PRKDC: variants seen among roughly 807,000 people sequenced by gnomAD.
PRKDC encodes DNA-dependent protein kinase catalytic subunit.
A neutral mutation model predicts 486.9 loss-of-function variants in PRKDC; 82 were observed. That is an observed-to-expected ratio of 0.17 (90% confidence interval 0.14 to 0.20). The LOEUF is 0.20. Among genes scored for constraint, PRKDC ranks in the 10% least tolerant of loss-of-function variants. PRKDC has a pLI of 1.00. For synonymous variants in PRKDC, 1,895 were observed against 1,837.0 expected, an observed-to-expected ratio of 1.03 and a Z score of -0.81; for missense variants, 4,504 against 5,038.2, an observed-to-expected ratio of 0.89 and a Z score of 3.21.
intron 68 of PRKDC, among the ~76,000 whole-genome samples, chr8:47,807,818 C>T (rs907152671): frequency 2.7e-5 from 4 of 148,292 alleles, no homozygotes; most frequent in East Asian, 4.0e-4. Flanking sequence ...TGGGTTCAAG[C>T]GATTCTCCTG....
intron 7 of PRKDC, among the ~76,000 whole-genome samples, chr8:47,945,743 A>T (rs1160091256): frequency 6.6e-6 from 1 of 151,778 alleles, no homozygotes; most frequent in African/African-American, 2.4e-5. Context: ...TTTTTTTGAC[A>T]CCGAGTTTCA....
At chr8:47,787,541 G>T (rs986327894) in intron 76 of PRKDC, among the ~76,000 whole-genome samples, 1 of 152,204 alleles carries the variant, frequency 6.6e-6, no homozygotes, top group African/African-American at 2.4e-5. Flanking sequence ...AGGTGGAAAA[G>T]TTCTGGATAG....
Position 47,829,564 on chromosome 8 carries a change from CTTA to C in PRKDC, c.8397+1038_8397+1040del, listed in dbSNP as rs1425966640. Reference sequence around the variant, plus strand: ...TAAAACATACAAATTTGATTTATTCCTTATTGTTTATTTTAAGTAATATATTTA... The same window carrying C: ...TAAAACATACAAATTTGATTTATTCCTTGTTTATTTTAAGTAATATATTTA... On this transcript the variant is annotated intron_variant, in intron 61 of 85. Coordinates refer to ENST00000314191, the MANE Select transcript of PRKDC (RefSeq NM_006904.7). Among the ~76,000 whole-genome samples the C allele has an allele frequency of 4.6e-5, 7 of 152,106 alleles. No individual in the cohort carries two copies. In the South Asian group the frequency reaches 1.2e-3, roughly 27 times the overall value.
chr8:47,778,587 C>A lies in PRKDC; in HGVS notation c.11725G>T (p.Ala3909Ser). ...ALRSHFASSH[A>S]LICISHWILG... Reference sequence around the variant, plus strand: ...ATCCAGTGGCTGATGCATATCAGAGCGTGAGAGCTGGCGAAGTGGGAGCGG... The same window carrying A: ...ATCCAGTGGCTGATGCATATCAGAGAGTGAGAGCTGGCGAAGTGGGAGCGG... The change falls in exon 83 of 86, where the codon GCT (alanine) becomes TCT (serine). Residue 3909 changes from alanine (A) to serine (S), a missense_variant. Ala to Ser is a moderately conservative substitution (Grantham distance 99). Coordinates refer to ENST00000314191, the MANE Select transcript of PRKDC (RefSeq NM_006904.7). 4 of 1,613,702 alleles carry A rather than the reference C, an allele frequency of 2.5e-6. No homozygotes were observed. Among genetic ancestry groups the A allele is most frequent in the Non-Finnish European group, 3.4e-6 (4 of 1,179,778 alleles).
intron 65 of PRKDC, 118 bp from the exon 66 acceptor site, chr8:47,821,061 G>T: frequency 1.7e-6 from 1 of 583,158 alleles, no homozygotes; most frequent in Non-Finnish European, 2.7e-6. Context: ...AAGTCAAAGC[G>T]ATGATGTTTG....
At chr8:47,863,182 T>C (rs2088717184) in intron 42 of PRKDC, among the ~76,000 whole-genome samples, 1 of 152,220 alleles carries the variant, frequency 6.6e-6, no homozygotes, top group Non-Finnish European at 1.5e-5. Flanking sequence ...AAAAGTTTTA[T>C]TATTTGTAAA....
chr8:47,922,158 G>A lies in PRKDC; in HGVS notation c.2420-3775C>T, dbSNP rs964158471. On this transcript the variant is annotated intron_variant, in intron 21 of 85. Transcript: ENST00000314191. ...TTTTTCTTTTTTCTTTCTTCAGAAG[G>A]GTCTCACTCTGTCACCCAGGCTATG... 8.8e-5 allele frequency among the ~76,000 whole-genome samples: 13 copies of A among 147,992 alleles called. 1 individual carries two copies. Among genetic ancestry groups the A allele is most frequent in the Admixed American group, 8.1e-4 (12 of 14,896 alleles).
chr8:47,905,594 C>A (rs2089765974), intron 25 of PRKDC, among the ~76,000 whole-genome samples: 1 of 152,194 alleles, frequency 6.6e-6, no homozygotes, highest in South Asian at 2.1e-4. Flanking sequence ...CTTGTGGTGA[C>A]AAAATGAAAC....
intron 44 of PRKDC, 67 bp from the exon 45 acceptor site, chr8:47,861,038 G>T: frequency 1.8e-6 from 2 of 1,091,852 alleles, no homozygotes; most frequent in Non-Finnish European, 2.5e-6. Flanking sequence ...TTCTGTTTTA[G>T]TAGCAATCTG....
intron 23 of PRKDC, 91 bp downstream of exon 23, chr8:47,915,237 A>G: frequency 1.5e-6 from 1 of 685,376 alleles, no homozygotes. Flanking sequence ...CACATATAGG[A>G]GCAAATATTC....
chr8:47,861,706 C>T (rs550420697), intron 44 of PRKDC, among the ~76,000 whole-genome samples: 3 of 152,230 alleles, frequency 2.0e-5, no homozygotes, highest in Non-Finnish European at 4.4e-5. Context: ...CCAGTTAACC[C>T]ATGACTTTTC....
chr8:47,931,091 T>G (rs767456024), intron 16 of PRKDC, among the ~76,000 whole-genome samples: 22 of 152,240 alleles, frequency 1.4e-4, no homozygotes, highest in Non-Finnish European at 3.1e-4. Context: ...AGAATTTTAA[T>G]AGGTGACCTA....
At chr8:47,819,131 T>C (rs1457573455) in intron 67 of PRKDC, among the ~76,000 whole-genome samples, 1 of 152,210 alleles carries the variant, frequency 6.6e-6, no homozygotes, top group Non-Finnish European at 1.5e-5. Context: ...TGTGGGCAGG[T>C]ATCCTCTGGA....
At chr8:47,897,524 A>G (rs1192639068) in intron 29 of PRKDC, among the ~76,000 whole-genome samples, 2 of 152,368 alleles carry the variant, frequency 1.3e-5, no homozygotes, top group East Asian at 3.9e-4. Flanking sequence ...GGAAAAATTA[A>G]AAAGTTCTCC....
In PRKDC at chr8:47,939,578, A is replaced by T; in HGVS notation, c.1086T>A (p.Ala362=). Residue 362 remains alanine (A), a synonymous_variant, in exon 11 of 86, where the codon GCT becomes GCA. Coordinates refer to ENST00000314191, the MANE Select transcript of PRKDC (RefSeq NM_006904.7). ...VDSNNKELSI[A]IRGYGLFAGP... ...CTGCAAAAAGTCCATATCCACGGAT[A>T]GCAATAGATAACTCCTTGTTGTTCG... The T allele has an allele frequency of 6.2e-7, 1 of 1,613,806 alleles. No homozygotes were observed. Among genetic ancestry groups the T allele is most frequent in the Non-Finnish European group, 8.5e-7 (1 of 1,179,716 alleles).
At chr8:47,952,229 C>T (rs148961548) in intron 7 of PRKDC, among the ~76,000 whole-genome samples, 28 of 152,158 alleles carry the variant, frequency 1.8e-4, no homozygotes, top group Admixed American at 9.8e-4. Context: ...TGCCCATATA[C>T]GGATGAATGA....
intron 11 of PRKDC, among the ~76,000 whole-genome samples, chr8:47,936,991 T>C (rs971552540): frequency 6.7e-6 from 1 of 148,876 alleles, no homozygotes; most frequent in East Asian, 2.1e-4. Context: ...CGGCGGCCCA[T>C]GCCTGTAATC....
intron 83 of PRKDC, 150 bp downstream of exon 83, chr8:47,778,309 T>A: frequency 1.2e-6 from 1 of 827,344 alleles, no homozygotes; most frequent in Non-Finnish European, 1.9e-6. Context: ...CTGAACTAAG[T>A]GATTATCCCT....
intron 18 of PRKDC, among the ~76,000 whole-genome samples, 161 bp from the exon 19 acceptor site, chr8:47,929,339 A>C (rs1038545833): frequency 2.6e-5 from 4 of 152,252 alleles, no homozygotes; most frequent in African/African-American, 9.6e-5. Flanking sequence ...ATTTCAAGGC[A>C]CAGGCTAGTC....
Sources: gnomAD v4.1 joint callset for allele counts (sites outside exome capture counted in the v4.1 genomes callset) on GRCh38, gnomAD v4.1.1 for gene constraint, MANE v1.5 for transcripts, NCBI Gene and HGNC (gene_info 2026-07-23, HGNC 2026-07-21) for gene names.